TSHZ3: variants seen among roughly 807,000 people sequenced by gnomAD.
TSHZ3 encodes teashirt homolog 3.
In TSHZ3, 10 loss-of-function variants were observed where a neutral mutation model predicts 64.5. The observed-to-expected ratio is 0.16, with a 90% CI of 0.10 to 0.26. The LOEUF (loss-of-function observed/expected upper bound fraction) is 0.26. Ranked by LOEUF, TSHZ3 falls within the 10% of genes least tolerant of loss-of-function variation. The pLI, the probability that TSHZ3 is intolerant of heterozygous loss-of-function variation, is 1.00. For missense variants in TSHZ3, 1,242 were observed against 1,421.7 expected (o/e 0.87, Z 2.03); for synonymous variants, 608 against 593.1 (o/e 1.03, Z -0.36).
chr19:31,158,217 C>T (rs753726340), intron 5 of TSHZ3, among the ~76,000 whole-genome samples: 13 of 151,988 alleles, frequency 8.6e-5, no homozygotes, highest in Admixed American at 2.6e-4. Flanking sequence ...GTGGCTGGGA[C>T]GAAAGAAAAT....
chr19:31,313,435 G>T (rs376228074), intron 1 of TSHZ3, among the ~76,000 whole-genome samples: 1 of 152,218 alleles, frequency 6.6e-6, no homozygotes, highest in Non-Finnish European at 1.5e-5. Flanking sequence ...AGTGTGCACC[G>T]CTGGAGGGCA....
intron 1 of TSHZ3, among the ~76,000 whole-genome samples, chr19:31,322,855 T>C (rs1308172045): frequency 6.6e-6 from 1 of 152,238 alleles, no homozygotes; most frequent in Non-Finnish European, 1.5e-5. Context: ...ATTATTTAGT[T>C]ACCTTCTTCC....
downstream of TSHZ3, among the ~76,000 whole-genome samples, chr19:31,272,271 C>T (rs77295809): frequency 0.054 from 8,245 of 152,012 alleles, 749 homozygotes; most frequent in African/African-American, 0.19. Flanking sequence ...TTTGTCACCA[C>T]GTCTGTGGAA....
chr19:31,204,359 C>CTCTCTTCTTCTT (rs1207194780), intron 5 of TSHZ3, among the ~76,000 whole-genome samples: 1 of 150,394 alleles, frequency 6.6e-6, no homozygotes, highest in East Asian at 2.0e-4. Context: ...CCCGTCCTTC[C>CTCTCTTCTTCTT]TCTCTTCTTC....
chr19:31,150,093 T>C (rs1269772758), exon 7 of TSHZ3, among the ~76,000 whole-genome samples: 1 of 152,204 alleles, frequency 6.6e-6, no homozygotes, highest in Non-Finnish European at 1.5e-5. Context: ...CTTCTGTGAA[T>C]GGATCTCGTT....
At chr19:31,240,400 T>A (rs1194166538) in intron 3 of TSHZ3, among the ~76,000 whole-genome samples, 1 of 152,156 alleles carries the variant, frequency 6.6e-6, no homozygotes, top group African/African-American at 2.4e-5. Context: ...AAATCAAAAA[T>A]TCTTCGTGAG....
chr19:31,188,783 A>T (rs1359905464), intron 5 of TSHZ3, among the ~76,000 whole-genome samples: 1 of 151,824 alleles, frequency 6.6e-6, no homozygotes, highest in Non-Finnish European at 1.5e-5. Flanking sequence ...TTGGTTATTT[A>T]TTAGCATTGA....
intron 4 of TSHZ3, among the ~76,000 whole-genome samples, chr19:31,212,323 T>C (rs1247405043): frequency 6.6e-6 from 1 of 152,022 alleles, no homozygotes; most frequent in Non-Finnish European, 1.5e-5. Flanking sequence ...CCGGGCGTGG[T>C]GGTGCACACC....
At chr19:31,160,829 A>G (rs557469995) in intron 5 of TSHZ3, among the ~76,000 whole-genome samples, 2 of 152,194 alleles carry the variant, frequency 1.3e-5, no homozygotes, top group East Asian at 3.9e-4. Context: ...CACAATTTAA[A>G]TATCTCTATA....
intron 1 of TSHZ3, among the ~76,000 whole-genome samples, chr19:31,333,255 G>A (rs1200940094): frequency 2.6e-5 from 4 of 152,130 alleles, no homozygotes; most frequent in African/African-American, 7.2e-5. Context: ...AAGGGAGGGC[G>A]AAGAGCAATG....
intron 5 of TSHZ3, among the ~76,000 whole-genome samples, chr19:31,161,422 A>G (rs1369881119): frequency 3.3e-5 from 5 of 152,248 alleles, no homozygotes; most frequent in South Asian, 4.1e-4. Context: ...ATGCATAGAT[A>G]TAATTTGGAA....
intron 5 of TSHZ3, among the ~76,000 whole-genome samples, chr19:31,179,694 G>A (rs1974672795): frequency 6.6e-6 from 1 of 151,232 alleles, no homozygotes; most frequent in Admixed American, 6.6e-5. Flanking sequence ...GATAATTGTG[G>A]TGGTGGTGAT....
intron 3 of TSHZ3, among the ~76,000 whole-genome samples, chr19:31,228,249 G>C (rs1975495958): frequency 6.6e-6 from 1 of 152,092 alleles, no homozygotes; most frequent in South Asian, 2.1e-4. Context: ...TTTCAGGCTG[G>C]GTGTGGTGGC....
intron 1 of TSHZ3, among the ~76,000 whole-genome samples, chr19:31,313,230 A>G (rs1222138447): frequency 6.6e-6 from 1 of 152,166 alleles, no homozygotes; most frequent in Non-Finnish European, 1.5e-5. Context: ...CGAGATTTGG[A>G]AGGGAATTTG....
intron 4 of TSHZ3, among the ~76,000 whole-genome samples, chr19:31,223,153 A>T (rs1975412499): frequency 6.6e-6 from 1 of 152,184 alleles, no homozygotes; most frequent in African/African-American, 2.4e-5. Flanking sequence ...TCCTCTGCTC[A>T]TCTCATGGAG....
In TSHZ3 at chr19:31,252,377, C is replaced by A. The variant is rs1232818027; in HGVS notation, n.64-9502G>T. 2.0e-5 allele frequency among the ~76,000 whole-genome samples: 3 copies of A among 152,234 alleles called. No homozygotes were observed. In the East Asian group the frequency reaches 5.8e-4, roughly 29 times the overall value. ...GGACACATGTCATCAAAGTCAGGGCCCACCTGGATAACTCAGGATGATCTT... is the reference window on the plus strand; with the variant it reads ...GGACACATGTCATCAAAGTCAGGGCACACCTGGATAACTCAGGATGATCTT... On this transcript the variant is annotated intron_variant and non_coding_transcript_variant, in intron 1 of 6. Coordinates refer to the TSHZ3 transcript ENST00000651361.
chr19:31,198,156 A>G (rs547227722), intron 5 of TSHZ3, among the ~76,000 whole-genome samples: 5 of 152,260 alleles, frequency 3.3e-5, no homozygotes, highest in East Asian at 1.9e-4. Context: ...TTGAAAATCA[A>G]TTACTGTAAT....
intron 1 of TSHZ3, among the ~76,000 whole-genome samples, chr19:31,290,091 G>C (rs945323546): frequency 2.0e-5 from 3 of 152,138 alleles, no homozygotes; most frequent in Admixed American, 1.3e-4. Flanking sequence ...TGCCATATCA[G>C]CTGTGTCTGA....
chr19:31,309,178 C>T (rs536105347), intron 1 of TSHZ3, among the ~76,000 whole-genome samples: 2 of 152,354 alleles, frequency 1.3e-5, no homozygotes, highest in East Asian at 3.9e-4. Flanking sequence ...TGTACGGGGC[C>T]CTGGGTTCAG....
Sources: gnomAD v4.1 joint callset for allele counts (sites outside exome capture counted in the v4.1 genomes callset) on GRCh38, gnomAD v4.1.1 for gene constraint, MANE v1.5 for transcripts, NCBI Gene and HGNC (gene_info 2026-07-23, HGNC 2026-07-21) for gene names.